KIAA0825: variants seen among roughly 807,000 people sequenced by gnomAD.
KIAA0825 encodes the protein KIAA0825, also known as uncharacterized protein KIAA0825.
KIAA0825 carries 119 observed loss-of-function variants against 147.6 expected under a neutral mutation model. The observed-to-expected ratio is 0.81, with a 90% CI of 0.69 to 0.94. The LOEUF is 0.94. Among genes scored for constraint, KIAA0825 ranks in the 40% least tolerant of loss-of-function variants. The probability of loss-of-function intolerance (pLI) is 0.00; values close to 1 mark genes in which losing one functional copy is unlikely to be tolerated. For missense variants in KIAA0825, 1,381 were observed against 1,472.7 expected (o/e 0.94, Z 1.02); for synonymous variants, 470 against 518.1 (o/e 0.91, Z 1.26).
chr5:94,242,932 T>G (rs1775426927), intron 20 of KIAA0825, among the ~76,000 whole-genome samples: 1 of 152,190 alleles, frequency 6.6e-6, no homozygotes, highest in Admixed American at 6.5e-5. Flanking sequence ...TTGTACATTT[T>G]TCTTATTGTC....
intron 20 of KIAA0825, among the ~76,000 whole-genome samples, chr5:94,202,226 C>A (rs1771764504): frequency 1.3e-5 from 2 of 152,066 alleles, no homozygotes; most frequent in Admixed American, 1.3e-4. Context: ...TGTTCTCCTG[C>A]AACTGGCACA....
At chr5:94,394,015 T>G (rs1584361547) in intron 17 of KIAA0825, among the ~76,000 whole-genome samples, 1 of 151,022 alleles carries the variant, frequency 6.6e-6, no homozygotes, top group African/African-American at 2.4e-5. Context: ...CCCAGCTAAT[T>G]TTTTTTTTGT....
chr5:94,441,734 A>G (rs1757110634), intron 13 of KIAA0825, among the ~76,000 whole-genome samples: 2 of 152,180 alleles, frequency 1.3e-5, no homozygotes, highest in Admixed American at 1.3e-4. Context: ...CTCCAGAACC[A>G]TGAGAAATAA....
chr5:94,498,565 C>T (rs1347091958), intron 5 of KIAA0825, among the ~76,000 whole-genome samples: 1 of 152,210 alleles, frequency 6.6e-6, no homozygotes, highest in Non-Finnish European at 1.5e-5. Context: ...GCTCTTTCTT[C>T]TATTGTGTAA....
chr5:94,351,303 C>G (rs405029), intron 20 of KIAA0825, among the ~76,000 whole-genome samples: 30,159 of 152,026 alleles, frequency 0.2, 3,487 homozygotes, highest in Middle Eastern at 0.26. Flanking sequence ...ATCAGATCAA[C>G]AACTCAACCA....
chr5:94,219,037 T>C (rs1319685740), intron 20 of KIAA0825, among the ~76,000 whole-genome samples: 1 of 152,182 alleles, frequency 6.6e-6, no homozygotes, highest in African/African-American at 2.4e-5. Context: ...GTCCCCAAAC[T>C]TTTTGGCACT....
At chr5:94,387,463 G>T (rs984414927) in intron 18 of KIAA0825, among the ~76,000 whole-genome samples, 1 of 152,150 alleles carries the variant, frequency 6.6e-6, no homozygotes, top group African/African-American at 2.4e-5. Context: ...GGAGACCGAG[G>T]TGGGCAGATC....
At chr5:94,314,943 C>T (rs762507299) in intron 20 of KIAA0825, among the ~76,000 whole-genome samples, 9 of 151,556 alleles carry the variant, frequency 5.9e-5, no homozygotes, top group South Asian at 4.1e-4. Flanking sequence ...TTGATGTATT[C>T]GTATGTTTAG....
chr5:94,318,664 A>C (rs1779878068), intron 20 of KIAA0825, among the ~76,000 whole-genome samples: 1 of 151,934 alleles, frequency 6.6e-6, no homozygotes, highest in Non-Finnish European at 1.5e-5. Context: ...ACAGGAAAGA[A>C]ACAGACTCAA....
intron 13 of KIAA0825, among the ~76,000 whole-genome samples, chr5:94,449,613 T>C (rs2017209): frequency 0.041 from 6,245 of 152,176 alleles, 166 homozygotes; most frequent in East Asian, 0.13. Flanking sequence ...TCGTATTGAA[T>C]GAAAGTGGGT....
chr5:94,393,752 T>A (rs1442904943), intron 17 of KIAA0825, among the ~76,000 whole-genome samples: 1 of 152,182 alleles, frequency 6.6e-6, no homozygotes, highest in Non-Finnish European at 1.5e-5. Flanking sequence ...TGTATATCTA[T>A]GAGTAAAATG....
chr5:94,396,227 C>T lies in KIAA0825; in HGVS notation c.3170G>A (p.Ser1057Asn), dbSNP rs1020913883. ...KLGLICMCLK[S>N]IMGDQTSIHN... ...GATACTTGTCTGGTCTCCCATGATG[C>T]TTTTCAAACACATACAAATTAAACC... Residue 1057 changes from serine to asparagine, a missense_variant, in exon 17 of 21, where the codon AGC (serine) becomes AAC (asparagine). Transcript: ENST00000682413. The T allele has an allele frequency of 3.9e-6, 6 of 1,551,690 alleles. No individual in the cohort carries two copies. The highest frequency in any genetic ancestry group is 1.4e-5 in the African/African-American group (1 of 73,130).
chr5:94,595,503 C>T (rs1040181758), intron 1 of KIAA0825, among the ~76,000 whole-genome samples: 1 of 152,140 alleles, frequency 6.6e-6, no homozygotes, highest in Admixed American at 6.5e-5. Context: ...CCATTTTTTC[C>T]TCCTAGGCTT....
intron 20 of KIAA0825, among the ~76,000 whole-genome samples, chr5:94,196,801 AT>A (rs958283861): frequency 1.8e-4 from 28 of 151,984 alleles, no homozygotes; most frequent in African/African-American, 4.8e-4. Flanking sequence ...ACATTATTTC[AT>A]TTTTTTTACA....
chr5:94,549,963 C>CA lies in KIAA0825; in HGVS notation c.-1-12837dup, dbSNP rs1307259863. ...AAACAAAGAAAACAATAGAAAAGAT[C>CA]AATGAAACAAAAAGTTGGCTTTTTG... is the stretch of plus-strand genomic sequence containing the variant. On this transcript the variant is annotated intron_variant, in intron 2 of 20. Coordinates refer to ENST00000682413, the MANE Select transcript of KIAA0825 (RefSeq NM_001145678.3). Among the ~76,000 whole-genome samples the CA allele has an allele frequency of 2.0e-5, 3 of 151,866 alleles. No individual in the cohort carries two copies. The East Asian group carries it at 5.8e-4, about 29-fold the overall frequency.
At chr5:94,249,469 T>C (rs1775823468) in intron 20 of KIAA0825, among the ~76,000 whole-genome samples, 1 of 152,098 alleles carries the variant, frequency 6.6e-6, no homozygotes, top group African/African-American at 2.4e-5. Context: ...TTGTTAAAAA[T>C]GTAAGAATTT....
intron 20 of KIAA0825, among the ~76,000 whole-genome samples, chr5:94,232,115 A>T (rs1260232938): frequency 6.6e-6 from 1 of 152,142 alleles, no homozygotes; most frequent in Non-Finnish European, 1.5e-5. Flanking sequence ...TTGCCAACTC[A>T]TGGCAGCTAC....
intron 14 of KIAA0825, among the ~76,000 whole-genome samples, chr5:94,423,760 A>G (rs953835390): frequency 6.6e-6 from 1 of 152,210 alleles, no homozygotes; most frequent in Non-Finnish European, 1.5e-5. Context: ...TTAGAGAGAA[A>G]GTATAAAAAT....
chr5:94,323,799 G>GA (rs1026688073), intron 20 of KIAA0825, among the ~76,000 whole-genome samples: 1 of 151,528 alleles, frequency 6.6e-6, no homozygotes, highest in African/African-American at 2.4e-5. Context: ...AGGGGATAGG[G>GA]AAAAAAATGT....
Sources: gnomAD v4.1 joint callset for allele counts (sites outside exome capture counted in the v4.1 genomes callset) on GRCh38, gnomAD v4.1.1 for gene constraint, MANE v1.5 for transcripts, NCBI Gene and HGNC (gene_info 2026-07-23, HGNC 2026-07-21) for gene names.